IL1RL2: variants seen among roughly 807,000 people sequenced by gnomAD.
The protein encoded by IL1RL2 is interleukin 1 receptor like 2.
A neutral mutation model predicts 66.8 loss-of-function variants in IL1RL2; 68 were observed. That is an observed-to-expected ratio of 1.02 (90% confidence interval 0.84 to 1.25). The LOEUF (loss-of-function observed/expected upper bound fraction) is 1.25, where lower values mean the gene tolerates loss of function less well. Ranked by LOEUF, IL1RL2 falls within the 50% of genes most tolerant of loss-of-function variation. The pLI, the probability that IL1RL2 is intolerant of heterozygous loss-of-function variation, is 0.00. For missense variants in IL1RL2, 729 were observed against 709.3 expected, an observed-to-expected ratio of 1.03 and a Z score of -0.32; for synonymous variants, 305 against 264.6, an observed-to-expected ratio of 1.15 and a Z score of -1.48.
intron 2 of IL1RL2, 93 bp from the exon 3 acceptor site, chr2:102,188,983 G>A (rs555915918): frequency 4.5e-5 from 40 of 889,358 alleles, no homozygotes; most frequent in Admixed American, 1.6e-4. Flanking sequence ...AAATTGGCTG[G>A]AAAATTGAAG....
chr2:102,188,015 C>A, intron 2 of IL1RL2, 90 bp downstream of exon 2: 3 of 1,315,442 alleles, frequency 2.3e-6, no homozygotes, highest in South Asian at 2.4e-5. Flanking sequence ...TCGCGTCAGC[C>A]CGAGCGCGGC....
intron 3 of IL1RL2, 92 bp from the exon 4 acceptor site, chr2:102,191,833 G>C (rs1687255644): frequency 1.4e-5 from 13 of 923,894 alleles, no homozygotes; most frequent in Middle Eastern, 3.2e-4. Context: ...ACAGTGCTGT[G>C]AAAATGATTT....
intron 2 of IL1RL2, among the ~76,000 whole-genome samples, chr2:102,188,782 G>A (rs577500382): frequency 6.6e-6 from 1 of 151,990 alleles, no homozygotes; most frequent in African/African-American, 2.4e-5. Flanking sequence ...AGAACTCTGT[G>A]GATGAAAAGA....
chr2:102,228,277 C>T (rs531764280), intron 9 of IL1RL2, among the ~76,000 whole-genome samples: 79 of 152,144 alleles, frequency 5.2e-4, no homozygotes, highest in African/African-American at 1.7e-3. Context: ...TGTCCTTGTT[C>T]CCCTTGAGGA....
chr2:102,187,663 G>T (rs1264207153), intron 1 of IL1RL2, among the ~76,000 whole-genome samples, 193 bp from the exon 2 acceptor site: 1 of 152,190 alleles, frequency 6.6e-6, no homozygotes, highest in Admixed American at 6.5e-5. Flanking sequence ...TCCTGGTCGG[G>T]CGCCCAGACG....
intron 5 of IL1RL2, among the ~76,000 whole-genome samples, chr2:102,209,254 T>C (rs946956363): frequency 1.3e-5 from 2 of 152,168 alleles, no homozygotes; most frequent in African/African-American, 4.8e-5. Context: ...CTGTCAGACA[T>C]GGTGATGGTG....
Position 102,233,014 on chromosome 2 carries a change from G to A in IL1RL2, c.1187G>A (p.Ser396Asn), listed in dbSNP as rs767946883. Residue 396 changes from serine to asparagine, a missense_variant, in exon 10 of 12, where the codon AGC becomes AAC. Physicochemically the swap from Ser to Asn is conservative, Grantham distance 46. Transcript: ENST00000264257. Reference sequence around the variant, plus strand: ...TTATACCCCAAGCCCCACAAGGAAAGCCAGAGGCATGCCGTGGATGCCCTG... The same window carrying A: ...TTATACCCCAAGCCCCACAAGGAAAACCAGAGGCATGCCGTGGATGCCCTG... ...YVLYPKPHKE[S>N]QRHAVDALVL... 6 of 1,614,094 alleles carry A rather than the reference G, an allele frequency of 3.7e-6. No homozygotes were observed. Among genetic ancestry groups the A allele is most frequent in the Non-Finnish European group, 5.1e-6 (6 of 1,180,042 alleles).
intron 1 of IL1RL2, 95 bp from the exon 2 acceptor site, chr2:102,187,761 G>A (rs1578073041): frequency 7.7e-6 from 8 of 1,039,648 alleles, no homozygotes; most frequent in Non-Finnish European, 1.2e-5. Context: ...AGCGGCCTGG[G>A]CGGTTGTCTT....
chr2:102,201,417 A>G, intron 4 of IL1RL2, 139 bp from the exon 5 acceptor site: 3 of 685,604 alleles, frequency 4.4e-6, no homozygotes, highest in African/African-American at 1.8e-5. Context: ...TCATCAATCT[A>G]TCATCTACCT....
At chr2:102,242,757 T>C (rs1372158795), downstream of IL1RL2, among the ~76,000 whole-genome samples, 1 of 152,206 alleles carries the variant, frequency 6.6e-6, no homozygotes, top group Non-Finnish European at 1.5e-5. Context: ...CCATAAATAA[T>C]GTTTAATCTG....
chr2:102,190,852 CT>C (rs1011408482), intron 3 of IL1RL2, among the ~76,000 whole-genome samples: 1 of 152,164 alleles, frequency 6.6e-6, no homozygotes, highest in Non-Finnish European at 1.5e-5. Flanking sequence ...GAAAAGTAAT[CT>C]TTAATAGAAA....
chr2:102,215,624 C>G (rs769789982), intron 6 of IL1RL2, among the ~76,000 whole-genome samples: 1 of 152,090 alleles, frequency 6.6e-6, no homozygotes, highest in Non-Finnish European at 1.5e-5. Flanking sequence ...CACCCCTTTT[C>G]CATTGGACCT....
At chr2:102,227,549 G>C (rs966773184) in intron 9 of IL1RL2, among the ~76,000 whole-genome samples, 2 of 152,128 alleles carry the variant, frequency 1.3e-5, no homozygotes, top group African/African-American at 4.8e-5. Flanking sequence ...TAGTACTGTG[G>C]ATAGTCCGAC....
chr2:102,224,464 G>A (rs555649516), intron 8 of IL1RL2, among the ~76,000 whole-genome samples: 1 of 152,264 alleles, frequency 6.6e-6, no homozygotes, highest in African/African-American at 2.4e-5. Context: ...AAATAAGCCA[G>A]GCACAGAAAG....
At chr2:102,213,175 G>A (rs1055516191) in intron 6 of IL1RL2, among the ~76,000 whole-genome samples, 1 of 152,134 alleles carries the variant, frequency 6.6e-6, no homozygotes, top group African/African-American at 2.4e-5. Flanking sequence ...TGTAGGGGGA[G>A]ATTTTAACAT....
chr2:102,215,649 C>T (rs768975850), intron 6 of IL1RL2, among the ~76,000 whole-genome samples: 1 of 152,090 alleles, frequency 6.6e-6, no homozygotes, highest in African/African-American at 2.4e-5. Flanking sequence ...TGTGTGCACA[C>T]ACACCCTTGG....
Position 102,226,015 on chromosome 2 carries a change from C to G in IL1RL2, c.1109C>G (p.Ala370Gly). The stretch of plus-strand genomic sequence containing the variant: ...GACATTGTTCTTTGGTATCGAAGTG[C>G]CTTCCATTCTACAGAGACCATAGTA... ...KIDIVLWYRSAFHSTETIVDG... is the reference protein window; with the variant it reads ...KIDIVLWYRSGFHSTETIVDG... The change falls in exon 9 of 12, where the codon GCC (alanine) becomes GGC (glycine). Residue 370 changes from alanine to glycine, a missense_variant. By Grantham distance (60) the Ala-to-Gly change is moderately conservative (BLOSUM62 0). Transcript: ENST00000264257. The G allele has an allele frequency of 1.2e-6, 2 of 1,601,364 alleles. No homozygotes were observed. Among genetic ancestry groups the G allele is most frequent in the East Asian group, 2.3e-5 (1 of 43,986 alleles).
At chr2:102,198,794 A>T (rs1015255326) in intron 4 of IL1RL2, among the ~76,000 whole-genome samples, 1 of 152,034 alleles carries the variant, frequency 6.6e-6, no homozygotes, top group African/African-American at 2.4e-5. Context: ...ATTCAAGTGG[A>T]TGATTTATAG....
In IL1RL2 at chr2:102,212,107, A is replaced by G. The variant is rs748988132; in HGVS notation, c.657A>G (p.Arg219=). Residue 219 remains arginine (R), a synonymous_variant, in exon 6 of 12, where the codon AGA becomes AGG. Coordinates refer to ENST00000264257, the MANE Select transcript of IL1RL2 (RefSeq NM_003854.4). Reference sequence around the variant, plus strand: ...GTGGGTATGATTTCTTAGCAGAAAGAGCTGGATATGGAGGAAGTGTCCCTA... The same window carrying G: ...GTGGGTATGATTTCTTAGCAGAAAGGGCTGGATATGGAGGAAGTGTCCCTA... ...LNGITVSITE[R]AGYGGSVPKI... The G allele has an allele frequency of 1.2e-6, 2 of 1,612,228 alleles. No homozygotes were observed. Among genetic ancestry groups the G allele is most frequent in the African/African-American group, 1.3e-5 (1 of 74,898 alleles).
Sources: allele counts gnomAD v4.1 joint callset (sites outside exome capture counted in the v4.1 genomes callset), GRCh38; gene constraint gnomAD v4.1.1; transcripts MANE v1.5; gene names NCBI Gene and HGNC (gene_info 2026-07-23, HGNC 2026-07-21).